The following PCDHGA1 variants were observed in gnomAD, a reference collection of about 807,000 sequenced individuals.
The protein encoded by PCDHGA1 is protocadherin gamma subfamily A, 1, also known as protocadherin gamma-A1.
A neutral mutation model predicts 58.0 loss-of-function variants in PCDHGA1; 32 were observed. That is an observed-to-expected ratio of 0.55 (90% CI 0.42 to 0.74). The LOEUF (loss-of-function observed/expected upper bound fraction) is 0.74, where lower values mean the gene tolerates loss of function less well. Among genes scored for constraint, PCDHGA1 ranks in the 30% least tolerant of loss-of-function variants. The pLI is 0.00. For missense variants in PCDHGA1, 1,205 were observed against 1,182.3 expected (o/e 1.02, Z -0.28); for synonymous variants, 498 against 501.1 (o/e 0.99, Z 0.08).
intron 1 of PCDHGA1, chr5:141,392,605 CA>C (rs2092562177): frequency 1.9e-6 from 1 of 514,610 alleles, no homozygotes; most frequent in Admixed American, 3.7e-5. Context: ...TACTGGAAGA[CA>C]AATGCAACCG....
intron 1 of PCDHGA1, chr5:141,385,485 A>T: frequency 2.8e-6 from 4 of 1,418,146 alleles, no homozygotes; most frequent in Non-Finnish European, 3.7e-6. Flanking sequence ...AATATAGAAC[A>T]CATAGGATAT....
Position 141,384,136 on chromosome 5 carries a change from G to A in PCDHGA1, c.2421+51031G>A. ...GGTCACAACCAAAAACTTGGACCGG[G>A]AAACACTCTCTTTGTATAACATCAC... is the stretch of plus-strand genomic sequence containing the variant. On this transcript the variant is annotated intron_variant, in intron 1 of 3. Coordinates refer to ENST00000517417, the MANE Select transcript of PCDHGA1 (RefSeq NM_018912.3). The A allele has an allele frequency of 1.9e-6, 3 of 1,612,410 alleles. No individual in the cohort carries two copies. In the South Asian group the frequency reaches 3.3e-5, roughly 18 times the overall value.
chr5:141,357,743 A>G (rs1760722694), intron 1 of PCDHGA1: 1 of 1,230,492 alleles, frequency 8.1e-7, no homozygotes. Context: ...TTATTGCTTT[A>G]AAGAAAACTG....
At chr5:141,469,372 C>G (rs780872014) in intron 1 of PCDHGA1, among the ~76,000 whole-genome samples, 5 of 151,990 alleles carry the variant, frequency 3.3e-5, no homozygotes, top group Non-Finnish European at 5.9e-5. Flanking sequence ...GTAAAGAGAT[C>G]GAGACCATCC....
rs1756519696 is a variant in PCDHGA1, at chr5:141,334,506, T to C, written c.2421+1401T>C. 6.6e-6 allele frequency: 1 copy of C among 151,970 alleles called. No individual in the cohort carries two copies. Among genetic ancestry groups the C allele is most frequent in the Non-Finnish European group, 1.5e-5 (1 of 67,914 alleles). 9.4% of individuals were successfully genotyped at this position (151,970 alleles called of 1,614,324 possible). On this transcript the variant is annotated intron_variant, in intron 1 of 3. Coordinates refer to ENST00000517417, the MANE Select transcript of PCDHGA1 (RefSeq NM_018912.3). The surrounding 1 kb of genome is among the most constrained non-coding windows in gnomAD (Gnocchi z 4.6). ...GGGCGGGGCGGGGCGGGGCAGGAGC[T>C]GACGTGGGAGGATCCCTTGAGCCCA...
At position 141,490,785 on chromosome 5, in the gene PCDHGA1, G is replaced by A. The variant is rs1021708826; in HGVS notation, c.2422-4022G>A. 1.2e-6 allele frequency: 2 copies of A among 1,614,066 alleles called. No individual in the cohort carries two copies. Among genetic ancestry groups the A allele is most frequent in the Non-Finnish European group, 1.7e-6 (2 of 1,179,952 alleles). On this transcript the variant is annotated intron_variant, in intron 1 of 3. Coordinates refer to ENST00000517417, the MANE Select transcript of PCDHGA1 (RefSeq NM_018912.3). The surrounding 1 kb of genome is among the most constrained non-coding windows in gnomAD (Gnocchi z 5.4). ...TGTATGTCAACCCAGAGGATGGACG[G>A]ATCTTTGCCCAGCGTACCTTTGACT...
intron 1 of PCDHGA1, among the ~76,000 whole-genome samples, chr5:141,370,010 T>A (rs1325355528): frequency 6.6e-6 from 1 of 152,172 alleles, no homozygotes; most frequent in African/African-American, 2.4e-5. Context: ...TTAAAAGAAA[T>A]AACAGACTAA....
At chr5:141,387,770 T>A in intron 1 of PCDHGA1, 1 of 1,438,412 alleles carries the variant, frequency 7.0e-7, no homozygotes, top group Non-Finnish European at 9.2e-7. Flanking sequence ...AAGAATTTTT[T>A]CTTGAACTGG....
At chr5:141,363,972 A>G (rs2149852244) in intron 1 of PCDHGA1, among the ~76,000 whole-genome samples, 1 of 152,370 alleles carries the variant, frequency 6.6e-6, no homozygotes, top group Admixed American at 6.5e-5. Context: ...AAGTCTTGCT[A>G]TTCAGAATTA....
chr5:141,470,022 G>A (rs892106953), intron 1 of PCDHGA1, among the ~76,000 whole-genome samples: 2 of 152,188 alleles, frequency 1.3e-5, no homozygotes, highest in African/African-American at 2.4e-5. Context: ...CCAGCTACTC[G>A]GGATGCTGAG....
chr5:141,392,629 T>C, intron 1 of PCDHGA1: 1 of 598,736 alleles, frequency 1.7e-6, no homozygotes, highest in East Asian at 3.0e-5. Flanking sequence ...AACACTCAGA[T>C]CTCACACCTC....
chr5:141,376,559 C>T, intron 1 of PCDHGA1: 1 of 1,609,498 alleles, frequency 6.2e-7, no homozygotes, highest in Non-Finnish European at 8.5e-7. Flanking sequence ...TCCCGCAACC[C>T]AACTAATCAG....
Position 141,350,759 on chromosome 5 carries a change from T to C in PCDHGA1, c.2421+17654T>C, listed in dbSNP as rs1758552070. The C allele has an allele frequency of 6.2e-7, 1 of 1,613,948 alleles. No individual in the cohort carries two copies. Among genetic ancestry groups the C allele is most frequent in the African/African-American group, 1.3e-5 (1 of 75,068 alleles). On this transcript the variant is annotated intron_variant, in intron 1 of 3. Coordinates refer to ENST00000517417, the MANE Select transcript of PCDHGA1 (RefSeq NM_018912.3). ...TGTGGAAGGCAATTCACTGAAGTTA[T>C]ACACCATCAACCCCAATCAATACTT...
intron 2 of PCDHGA1, among the ~76,000 whole-genome samples, chr5:141,498,792 G>A (rs1217057199): frequency 2.6e-5 from 4 of 152,086 alleles, no homozygotes; most frequent in Admixed American, 2.6e-4. Context: ...TATTAGCCAG[G>A]TGTGGTGGTG....
chr5:141,487,100 C>A lies in PCDHGA1; in HGVS notation c.2422-7707C>A. ...CCCAGCTGACCTCCCACCACAGAAGCTGGTCATTGTGGTAAAGGATAGTGG... is the reference window on the plus strand; with the variant it reads ...CCCAGCTGACCTCCCACCACAGAAGATGGTCATTGTGGTAAAGGATAGTGG... On this transcript the variant is annotated intron_variant, in intron 1 of 3. Coordinates refer to ENST00000517417, the MANE Select transcript of PCDHGA1 (RefSeq NM_018912.3). This position sits in a 1 kb window ranked among gnomAD's most constrained non-coding sequence, Gnocchi z 5.0. The A allele has an allele frequency of 1.2e-6, 2 of 1,614,076 alleles. No homozygotes were observed. The highest frequency in any genetic ancestry group is 1.7e-6 in the Non-Finnish European group (2 of 1,179,960).
intron 1 of PCDHGA1, chr5:141,395,398 T>C (rs976008795): frequency 1.2e-6 from 1 of 863,780 alleles, no homozygotes; most frequent in East Asian, 2.8e-5. Context: ...TGAACTCTAA[T>C]AGTCATAGGT....
Position 141,486,677 on chromosome 5 carries a change from G to A in PCDHGA1, c.2422-8130G>A, listed in dbSNP as rs755512470. ...ACTCCTGGAGCCCAGGAATCGAGATGTATCAGCTTCCTCTTTCATCTCTCT... is the reference window on the plus strand; with the variant it reads ...ACTCCTGGAGCCCAGGAATCGAGATATATCAGCTTCCTCTTTCATCTCTCT... On this transcript the variant is annotated intron_variant, in intron 1 of 3. Transcript: ENST00000517417. This position sits in a 1 kb window ranked among gnomAD's most constrained non-coding sequence, Gnocchi z 5.0. The A allele has an allele frequency of 3.7e-6, 6 of 1,614,060 alleles. No individual in the cohort carries two copies. Among genetic ancestry groups the A allele is most frequent in the Middle Eastern group, 1.6e-4 (1 of 6,062 alleles).
At chr5:141,371,942 G>T (rs902262957) in intron 1 of PCDHGA1, 1 of 1,613,292 alleles carries the variant, frequency 6.2e-7, no homozygotes, top group Non-Finnish European at 8.5e-7. Context: ...TGGTGTTCGC[G>T]CAGCGAGCCT....
rs372827164 is a variant in PCDHGA1, at chr5:141,394,334, C to T, written c.2421+61229C>T. On this transcript the variant is annotated intron_variant, in intron 1 of 3. Coordinates refer to ENST00000517417, the MANE Select transcript of PCDHGA1 (RefSeq NM_018912.3). The stretch of plus-strand genomic sequence containing the variant: ...CGCCCCTGTCCTCGTATATCTCCAT[C>T]AACTCTGACACCGGTGTCCTGTATG... The T allele has an allele frequency of 1.2e-3, 1,991 of 1,614,118 alleles. 3 individuals carry two copies. The highest frequency in any genetic ancestry group is 1.6e-3 in the Non-Finnish European group (1,898 of 1,179,978).
Sources: allele counts gnomAD v4.1 joint callset (sites outside exome capture counted in the v4.1 genomes callset), GRCh38; gene constraint gnomAD v4.1.1; non-coding constraint Gnocchi (gnomAD v3.1); transcripts MANE v1.5; gene names NCBI Gene and HGNC (gene_info 2026-07-23, HGNC 2026-07-21).